NDUFAF2: variants seen among roughly 807,000 people sequenced by gnomAD.
NDUFAF2 encodes NADH dehydrogenase [ubiquinone] 1 alpha subcomplex assembly factor 2.
NDUFAF2 carries 13 observed loss-of-function variants against 22.8 expected under a neutral mutation model. The ratio of observed to expected loss-of-function variants is 0.57; its 90% CI spans 0.37 to 0.91. The LOEUF (loss-of-function observed/expected upper bound fraction) is 0.91, where lower values mean the gene tolerates loss of function less well. Ranked by LOEUF, NDUFAF2 falls within the 40% of genes least tolerant of loss-of-function variation. The pLI is 0.01. For missense variants in NDUFAF2, 162 were observed against 195.2 expected (o/e 0.83, Z 1.01); for synonymous variants, 53 against 64.2 (o/e 0.83, Z 0.84).
intron 2 of NDUFAF2, among the ~76,000 whole-genome samples, chr5:61,082,003 A>G (rs1247665322): frequency 2.6e-5 from 4 of 152,352 alleles, no homozygotes; most frequent in East Asian, 3.9e-4. Context: ...TGTTTTTAGC[A>G]TGTCTTCTCT....
chr5:60,979,173 C>T (rs1423389777), intron 1 of NDUFAF2, among the ~76,000 whole-genome samples: 2 of 152,200 alleles, frequency 1.3e-5, no homozygotes, highest in African/African-American at 4.8e-5. Context: ...AAGCAGTACT[C>T]ACTGCTGGCT....
intron 3 of NDUFAF2, among the ~76,000 whole-genome samples, chr5:61,131,738 T>C (rs1753114061): frequency 6.6e-6 from 1 of 152,158 alleles, no homozygotes; most frequent in Non-Finnish European, 1.5e-5. Flanking sequence ...GTATTCGTAG[T>C]ATATATTTTA....
chr5:61,148,175 A>C (rs1184481844), intron 3 of NDUFAF2, among the ~76,000 whole-genome samples: 1 of 152,028 alleles, frequency 6.6e-6, no homozygotes, highest in African/African-American at 2.4e-5. Context: ...TCCATAAACC[A>C]CCATCCTCTG....
chr5:61,009,874 A>G (rs927304423), intron 1 of NDUFAF2, among the ~76,000 whole-genome samples: 12 of 152,074 alleles, frequency 7.9e-5, no homozygotes, highest in African/African-American at 2.9e-4. Flanking sequence ...TTCCTCTAAA[A>G]AAACAAAGCA....
Position 60,957,669 on chromosome 5 carries a change from A to T in NDUFAF2, c.127+12287A>T, listed in dbSNP as rs62365453. ...CAGACCCCAGTGAATATTACAGGCC[A>T]GTAGCTCCTCATTGTGCTCTGGTAG... is the stretch of plus-strand genomic sequence containing the variant. On this transcript the variant is annotated intron_variant, in intron 1 of 3. Coordinates refer to ENST00000296597, the MANE Select transcript of NDUFAF2 (RefSeq NM_174889.5). 7.4e-4 allele frequency among the ~76,000 whole-genome samples: 112 copies of T among 152,270 alleles called. 3 individuals are homozygous for T. In the South Asian group the frequency reaches 0.016, roughly 22 times the overall value.
chr5:60,963,147 G>A (rs1296036603), intron 1 of NDUFAF2, among the ~76,000 whole-genome samples: 1 of 152,012 alleles, frequency 6.6e-6, no homozygotes, highest in East Asian at 2.0e-4. Context: ...GCCTCCCAAA[G>A]TGCTGAGATT....
intron 1 of NDUFAF2, among the ~76,000 whole-genome samples, chr5:61,035,495 A>G (rs1480475064): frequency 1.4e-5 from 2 of 144,418 alleles, no homozygotes; most frequent in African/African-American, 2.6e-5. Flanking sequence ...CAAAACCAAG[A>G]TGGTATTAAA....
chr5:60,964,732 G>A (rs540829368), intron 1 of NDUFAF2, among the ~76,000 whole-genome samples: 1 of 152,180 alleles, frequency 6.6e-6, no homozygotes, highest in South Asian at 2.1e-4. Context: ...GATTACAGGT[G>A]TGAACTACCG....
chr5:61,063,702 G>A (rs900430614), intron 1 of NDUFAF2, among the ~76,000 whole-genome samples: 3 of 152,018 alleles, frequency 2.0e-5, no homozygotes. Context: ...TGTTATTTAA[G>A]CTTCATTCTG....
intron 3 of NDUFAF2, among the ~76,000 whole-genome samples, chr5:61,132,220 C>T (rs1338255622): frequency 6.6e-6 from 1 of 152,152 alleles, no homozygotes; most frequent in African/African-American, 2.4e-5. Flanking sequence ...TGGTCCCTGC[C>T]ATCTCTCGAG....
At chr5:61,057,794 G>A (rs1434118846) in intron 1 of NDUFAF2, among the ~76,000 whole-genome samples, 1 of 152,150 alleles carries the variant, frequency 6.6e-6, no homozygotes, top group Non-Finnish European at 1.5e-5. Context: ...TACTAGTGTA[G>A]TTCCTGTTAA....
At chr5:61,029,383 G>T (rs1452922566) in intron 1 of NDUFAF2, among the ~76,000 whole-genome samples, 2 of 152,164 alleles carry the variant, frequency 1.3e-5, no homozygotes, top group African/African-American at 4.8e-5. Flanking sequence ...AAGCAGATGA[G>T]CAAGAGTTCA....
intron 1 of NDUFAF2, among the ~76,000 whole-genome samples, chr5:60,977,559 C>T (rs1307772968): frequency 1.3e-5 from 2 of 151,472 alleles, no homozygotes; most frequent in Non-Finnish European, 2.9e-5. Flanking sequence ...GCCACCAGGC[C>T]AGGTGTGGTG....
intron 1 of NDUFAF2, among the ~76,000 whole-genome samples, chr5:60,993,536 T>C (rs946101606): frequency 3.9e-5 from 6 of 152,084 alleles, no homozygotes; most frequent in African/African-American, 1.4e-4. Context: ...ACAGAAAAGC[T>C]CAGATGAGAC....
At chr5:61,064,279 T>C (rs1752202864) in intron 1 of NDUFAF2, among the ~76,000 whole-genome samples, 1 of 152,068 alleles carries the variant, frequency 6.6e-6, no homozygotes, top group Non-Finnish European at 1.5e-5. Flanking sequence ...GAGAAATAGA[T>C]AGCAATACTA....
intron 3 of NDUFAF2, among the ~76,000 whole-genome samples, chr5:61,106,637 T>A (rs1242339394): frequency 4.0e-5 from 6 of 151,216 alleles, no homozygotes; most frequent in African/African-American, 1.5e-4. Context: ...CTAGATTTTA[T>A]TCATTCTATC....
At chr5:61,101,728 C>T (rs1180064054) in intron 3 of NDUFAF2, among the ~76,000 whole-genome samples, 1 of 152,068 alleles carries the variant, frequency 6.6e-6, no homozygotes, top group African/African-American at 2.4e-5. Flanking sequence ...TCATTTACAA[C>T]AGTATTAGAA....
chr5:60,995,314 G>A (rs947519707), intron 1 of NDUFAF2, among the ~76,000 whole-genome samples: 4 of 152,126 alleles, frequency 2.6e-5, no homozygotes, highest in Admixed American at 2.0e-4. Context: ...ACTTACTTTA[G>A]CTGTCCTTTT....
rs1228258797 is a variant in NDUFAF2, at chr5:60,972,890, G to A, written c.127+27508G>A. Among the ~76,000 whole-genome samples the A allele has an allele frequency of 4.1e-5, 6 of 147,914 alleles. No homozygotes were observed. In the South Asian group the frequency reaches 6.4e-4, roughly 16 times the overall value. On this transcript the variant is annotated intron_variant, in intron 1 of 3. Coordinates refer to ENST00000296597, the MANE Select transcript of NDUFAF2 (RefSeq NM_174889.5). ...TGTATTTCTACCTTTTTTAATGCCC[G>A]TATTTCTTGGTTTCTTATTCTATTA... is the stretch of plus-strand genomic sequence containing the variant.
Sources: gnomAD v4.1 joint callset for allele counts (sites outside exome capture counted in the v4.1 genomes callset) on GRCh38, gnomAD v4.1.1 for gene constraint, MANE v1.5 for transcripts, NCBI Gene and HGNC (gene_info 2026-07-23, HGNC 2026-07-21) for gene names.